The following CSRP1 variants were observed in gnomAD, a reference collection of about 807,000 sequenced individuals.
CSRP1 encodes the protein cysteine and glycine-rich protein 1.
Under a neutral mutation model 25.4 loss-of-function variants are expected in CSRP1, and 16 were observed. That is an observed-to-expected ratio of 0.63 (90% CI 0.43 to 0.96). The LOEUF (loss-of-function observed/expected upper bound fraction) is 0.96. CSRP1 is among the 40% of genes least tolerant of loss of function. CSRP1 has a pLI of 0.00. For synonymous variants in CSRP1, 97 were observed against 95.3 expected, an observed-to-expected ratio of 1.02 and a Z score of -0.10; for missense variants, 212 against 243.6, an observed-to-expected ratio of 0.87 and a Z score of 0.86.
At position 201,496,243 on chromosome 1, in the gene CSRP1, C is replaced by T. The variant is rs1419789850; in HGVS notation, c.61G>A (p.Glu21Lys). Residue 21 changes from glutamate to lysine, a missense_variant, in exon 2 of 6, where the codon GAA (glutamate) becomes AAA (lysine). Coordinates refer to ENST00000340006, the MANE Select transcript of CSRP1 (RefSeq NM_004078.3). ...GVCQKTVYFA[E>K]EVQCEGNSFH... ...CTGTTGCCTTCGCACTGAACCTCTT[C>T]GGCAAAGTAAACCGTCTTCTGACAC... 2 of 1,614,200 alleles carry T rather than the reference C, an allele frequency of 1.2e-6. No homozygotes were observed. Among genetic ancestry groups the T allele is most frequent in the South Asian group, 1.1e-5 (1 of 91,080 alleles).
intron 2 of CSRP1, among the ~76,000 whole-genome samples, chr1:201,495,135 C>T (rs1664470347): frequency 6.6e-6 from 1 of 152,222 alleles, no homozygotes; most frequent in Non-Finnish European, 1.5e-5. Context: ...GTGGCTCACA[C>T]CTGTAATCCC....
intron 4 of CSRP1, chr1:201,485,795 A>G (rs645390): frequency 0.89 from 148,634 of 167,708 alleles, 66,141 homozygotes; most frequent in African/African-American, 0.97. Flanking sequence ...AGCCCTCACC[A>G]GAAAGACCTC....
In CSRP1 at chr1:201,485,286, TG is replaced by T; in HGVS notation, c.501del (p.Cys167Ter). The part of the protein sequence containing the change: ...TLADKDGEIY[C>X]KGCYAKNFGP... ...AATTAGAAGTGAAAACACCCACCTT[TG>T]CAGTAAATCTCGCCATCCTTGTCTG... On this transcript the variant is annotated frameshift_variant, in exon 5 of 6. Transcript: ENST00000340006. LOFTEE classifies it high-confidence loss of function. 6.2e-7 allele frequency: 1 copy of T among 1,614,104 alleles called. No homozygotes were observed. The highest frequency in any genetic ancestry group is 8.5e-7 in the Non-Finnish European group (1 of 1,179,964).
At chr1:201,500,816 G>T (rs993587272) in intron 1 of CSRP1, among the ~76,000 whole-genome samples, 25 of 152,338 alleles carry the variant, frequency 1.6e-4, no homozygotes, top group African/African-American at 6.0e-4. Flanking sequence ...AGGCCGAATT[G>T]CCTTAAAAGG....
intron 2 of CSRP1, chr1:201,495,471 G>A (rs80336819): frequency 6.6e-6 from 1 of 152,368 alleles, no homozygotes; most frequent in African/African-American, 2.4e-5. Flanking sequence ...TTAGGAACCT[G>A]AGGAGAGGCT....
chr1:201,501,760 A>G (rs932855134), intron 1 of CSRP1, among the ~76,000 whole-genome samples: 2 of 152,188 alleles, frequency 1.3e-5, no homozygotes, highest in African/African-American at 4.8e-5. Context: ...TGGGAGGCTG[A>G]GGCAGGCGGA....
At chr1:201,487,506 T>G (rs964380925) in intron 4 of CSRP1, 1 of 152,418 alleles carries the variant, frequency 6.6e-6, no homozygotes, top group South Asian at 2.1e-4. Flanking sequence ...CCAGGCCCAC[T>G]TTAGAGCTGA....
chr1:201,486,792 C>T, intron 4 of CSRP1: 3 of 1,060,546 alleles, frequency 2.8e-6, no homozygotes, highest in South Asian at 2.9e-5. Context: ...CTACCTTTTC[C>T]ACTTGAATGC....
At chr1:201,502,016 TAAATA>T (rs1425474787) in intron 1 of CSRP1, among the ~76,000 whole-genome samples, 2 of 151,296 alleles carry the variant, frequency 1.3e-5, no homozygotes, top group Non-Finnish European at 2.9e-5. Context: ...AATAAATAAA[TAAATA>T]AATAAATAAA....
chr1:201,502,579 T>C (rs928503039), intron 1 of CSRP1, among the ~76,000 whole-genome samples: 1 of 152,190 alleles, frequency 6.6e-6, no homozygotes, highest in African/African-American at 2.4e-5. Context: ...CACCTCATGT[T>C]TCCTTCAGAA....
chr1:201,484,746 C>T lies in CSRP1; in HGVS notation c.549G>A (p.Gly183=). ...KNFGPKGFGF[G]QGAGALVHSE ...AGTGGACCAAGGCCCCAGCTCCTTG[C>T]CCAAAACCAAAGCCCTTGGGCCCGA... The change falls in exon 6 of 6, where the codon GGG becomes GGA. Residue 183 remains glycine (G), a synonymous_variant. Coordinates refer to ENST00000340006, the MANE Select transcript of CSRP1 (RefSeq NM_004078.3). The T allele has an allele frequency of 1.9e-6, 3 of 1,612,056 alleles. No homozygotes were observed. Among genetic ancestry groups the T allele is most frequent in the Non-Finnish European group, 2.5e-6 (3 of 1,179,662 alleles).
At chr1:201,503,102 G>A (rs1664714721) in intron 1 of CSRP1, among the ~76,000 whole-genome samples, 1 of 152,164 alleles carries the variant, frequency 6.6e-6, no homozygotes, top group Admixed American at 6.5e-5. Flanking sequence ...CCAAGATCGT[G>A]CCACTGCACT....
rs148169509 is a variant in CSRP1 at position 201,499,727 on chromosome 1, T to A, written c.-1-3423A>T. 3.0e-3 allele frequency among the ~76,000 whole-genome samples: 458 copies of A among 152,310 alleles called. 5 individuals are homozygous for A. The highest frequency in any genetic ancestry group is 1.0e-2 in the African/African-American group (414 of 41,570). On this transcript the variant is annotated intron_variant, in intron 1 of 5. Transcript: ENST00000340006. The stretch of plus-strand genomic sequence containing the variant: ...ATCTCCTGAGTTCAAGCAATTCTCA[T>A]GCCTCAGCCTCCTGAGTAGCTGGGA...
rs1206398155 is a variant in CSRP1, at chr1:201,484,292, TC to T, written c.*420del. ...CTCTGAGATCCAAAAAACCCAGCCT[TC>T]CCCCCTCCTCATCTTGGTCTTGCTT... On this transcript the variant is annotated 3_prime_UTR_variant, in exon 6 of 6. Coordinates refer to ENST00000340006, the MANE Select transcript of CSRP1 (RefSeq NM_004078.3). The T allele has an allele frequency of 7.9e-6, 4 of 505,436 alleles. No individual in the cohort carries two copies. In the East Asian group the frequency reaches 8.6e-5, roughly 11 times the overall value. 31.3% of individuals were successfully genotyped at this position (505,436 alleles called of 1,614,324 possible).
intron 1 of CSRP1, among the ~76,000 whole-genome samples, chr1:201,506,156 G>A (rs1312128878): frequency 6.6e-6 from 1 of 152,230 alleles, no homozygotes. Flanking sequence ...ACCTCTTCAT[G>A]ATATACTGAT....
rs1173324653 is a variant in CSRP1 at position 201,483,730 on chromosome 1, C to A, written c.*983G>T. 2.1e-5 allele frequency: 8 copies of A among 388,308 alleles called. No individual in the cohort carries two copies. The highest frequency in any genetic ancestry group is 7.9e-5 in the African/African-American group (4 of 50,686). 24.1% of individuals were successfully genotyped at this position (388,308 alleles called of 1,614,324 possible). On this transcript the variant is annotated 3_prime_UTR_variant, in exon 6 of 6. Transcript: ENST00000340006. ...GGTGGAGTGATGTGATCTAAGGGTC[C>A]CTGGAGAAGGGTGGAGTGGAAGAGG...
chr1:201,496,477 C>T lies in CSRP1; in HGVS notation c.-1-173G>A, dbSNP rs545338600. On this transcript the variant is annotated intron_variant, in intron 1 of 5. Coordinates refer to ENST00000340006, the MANE Select transcript of CSRP1 (RefSeq NM_004078.3). ...TTCTGCTAGCTCTCGACAGCAGCCT[C>T]GCACGTTCTCGGGGATTTCCTCCCC... 1,898 of 621,336 alleles carry T rather than the reference C, an allele frequency of 3.1e-3. 4 individuals are homozygous for T. The highest frequency in any genetic ancestry group is 3.6e-3 in the Non-Finnish European group (1,245 of 345,246). 38.5% of individuals were successfully genotyped at this position (621,336 alleles called of 1,614,324 possible).
intron 2 of CSRP1, among the ~76,000 whole-genome samples, chr1:201,494,290 TG>T (rs973579389): frequency 6.6e-6 from 1 of 152,048 alleles, no homozygotes; most frequent in Non-Finnish European, 1.5e-5. Flanking sequence ...TGACCCCTTA[TG>T]GTCAGTGATT....
chr1:201,487,753 C>G (rs941740267), intron 4 of CSRP1: 2 of 152,238 alleles, frequency 1.3e-5, no homozygotes, highest in African/African-American at 4.8e-5. Flanking sequence ...GGGCTTGAGT[C>G]TGGCTTAGCC....
Sources: allele counts gnomAD v4.1 joint callset (sites outside exome capture counted in the v4.1 genomes callset), GRCh38; gene constraint gnomAD v4.1.1; transcripts MANE v1.5; gene names NCBI Gene and HGNC (gene_info 2026-07-23, HGNC 2026-07-21).